KLHL1: variants seen among roughly 807,000 people sequenced by gnomAD.
KLHL1 encodes the protein kelch-like protein 1.
KLHL1 carries 47 observed loss-of-function variants against 77.7 expected under a neutral mutation model. That is an observed-to-expected ratio of 0.60 (90% CI 0.48 to 0.77). The LOEUF (loss-of-function observed/expected upper bound fraction) is 0.77. Ranked by LOEUF, KLHL1 falls within the 30% of genes least tolerant of loss-of-function variation. The pLI, the probability that KLHL1 is intolerant of heterozygous loss-of-function variation, is 0.00. For missense variants in KLHL1, 925 were observed against 910.8 expected, an observed-to-expected ratio of 1.02 and a Z score of -0.20; for synonymous variants, 360 against 325.2, an observed-to-expected ratio of 1.11 and a Z score of -1.15.
At chr13:69,716,540 A>C (rs1328693769) in intron 9 of KLHL1, among the ~76,000 whole-genome samples, 3 of 152,232 alleles carry the variant, frequency 2.0e-5, no homozygotes, top group African/African-American at 7.2e-5. Flanking sequence ...AGAATGAATT[A>C]GAAGATGCAG....
intron 1 of KLHL1, among the ~76,000 whole-genome samples, chr13:69,997,285 A>C (rs1008100302): frequency 4.0e-5 from 6 of 151,288 alleles, no homozygotes; most frequent in South Asian, 4.2e-4. Flanking sequence ...TTTCTTTTTT[A>C]TTTTTAATTA....
chr13:69,879,360 T>A (rs1174102111), intron 5 of KLHL1, among the ~76,000 whole-genome samples: 1 of 152,116 alleles, frequency 6.6e-6, no homozygotes, highest in Non-Finnish European at 1.5e-5. Context: ...CTCTTTTCTA[T>A]TTTTTTCCTA....
chr13:70,102,440 A>T (rs1324423355), intron 1 of KLHL1, among the ~76,000 whole-genome samples: 1 of 152,186 alleles, frequency 6.6e-6, no homozygotes, highest in Non-Finnish European at 1.5e-5. Flanking sequence ...ACTAAGGCTT[A>T]TCTAGAATTT....
rs114457297 is a variant in KLHL1 at position 69,921,492 on chromosome 13, C to T, written c.1014+18548G>A. On this transcript the variant is annotated intron_variant, in intron 4 of 10. Transcript: ENST00000377844. ...TATTTCTGAAGTGATTTATAGTGCTCCAGATCCATGCAATCAATCTTTCTT... is the reference window on the plus strand; with the variant it reads ...TATTTCTGAAGTGATTTATAGTGCTTCAGATCCATGCAATCAATCTTTCTT... Among the ~76,000 whole-genome samples, 830 of 152,224 alleles carry T rather than the reference C, an allele frequency of 5.5e-3. 11 individuals carry two copies. Among genetic ancestry groups the T allele is most frequent in the African/African-American group, 0.019 (769 of 41,538 alleles).
chr13:69,893,835 G>A (rs2138213561), intron 4 of KLHL1, among the ~76,000 whole-genome samples: 1 of 152,272 alleles, frequency 6.6e-6, no homozygotes, highest in East Asian at 1.9e-4. Flanking sequence ...TTACTTATGT[G>A]TTTATAGGTA....
chr13:69,852,651 A>G (rs2138134239), intron 5 of KLHL1, among the ~76,000 whole-genome samples: 1 of 152,066 alleles, frequency 6.6e-6, no homozygotes, highest in South Asian at 2.1e-4. Flanking sequence ...CTTCAGATTT[A>G]CTCTGATCAA....
In KLHL1 at chr13:70,108,046, C is replaced by G. The variant is rs1191354793; in HGVS notation, c.-347G>C. On this transcript the variant is annotated 5_prime_UTR_variant, in exon 1 of 11. Coordinates refer to ENST00000377844, the MANE Select transcript of KLHL1 (RefSeq NM_020866.3). ...TGGGACAACCCTTAGGCTGGAGATG[C>G]GCGAGGGAGGGAGGTCTGAGCGCTC... is the stretch of plus-strand genomic sequence containing the variant. 9.5e-6 allele frequency: 4 copies of G among 421,864 alleles called. No individual in the cohort carries two copies. Among genetic ancestry groups the G allele is most frequent in the African/African-American group, 2.0e-5 (1 of 48,928 alleles). 26.1% of individuals were successfully genotyped at this position (421,864 alleles called of 1,614,324 possible). A position where few individuals can be genotyped will look rare whatever the true frequency, so the allele number is the denominator to read the frequency against.
chr13:70,050,017 A>G (rs1237987009), intron 1 of KLHL1, among the ~76,000 whole-genome samples: 4 of 151,978 alleles, frequency 2.6e-5, no homozygotes, highest in African/African-American at 9.7e-5. Flanking sequence ...AATAATGTAA[A>G]ATACAGAATT....
At chr13:69,939,376 T>TATATATATATAC in intron 4 of KLHL1, among the ~76,000 whole-genome samples, 1 of 48,502 alleles carries the variant, frequency 2.1e-5, no homozygotes, top group South Asian at 5.5e-4. Flanking sequence ...TATATATATA[T>TATATATATATAC]ATACACACAC....
chr13:69,867,489 T>C (rs1880407939), intron 5 of KLHL1, among the ~76,000 whole-genome samples: 1 of 152,000 alleles, frequency 6.6e-6, no homozygotes, highest in Non-Finnish European at 1.5e-5. Flanking sequence ...AAACTAGTAA[T>C]AGAATGTCTT....
intron 7 of KLHL1, among the ~76,000 whole-genome samples, chr13:69,740,873 G>T (rs1426482542): frequency 6.6e-6 from 1 of 151,976 alleles, no homozygotes; most frequent in Non-Finnish European, 1.5e-5. Flanking sequence ...TGACCTAGAT[G>T]CTTTATAAAA....
chr13:69,897,703 C>G (rs1376427006), intron 4 of KLHL1, among the ~76,000 whole-genome samples: 5 of 152,136 alleles, frequency 3.3e-5, no homozygotes, highest in African/African-American at 1.2e-4. Context: ...CAGTTGATGA[C>G]TATTTGAGTC....
intron 1 of KLHL1, among the ~76,000 whole-genome samples, chr13:70,015,918 T>A (rs1885645630): frequency 6.6e-6 from 1 of 152,230 alleles, no homozygotes; most frequent in Admixed American, 6.5e-5. Flanking sequence ...TTTTCTTGTG[T>A]GCATTTCATC....
chr13:69,792,575 C>T (rs1876917541), intron 7 of KLHL1, among the ~76,000 whole-genome samples: 1 of 133,212 alleles, frequency 7.5e-6, no homozygotes, highest in Admixed American at 7.0e-5. Context: ...CAATTGAAAA[C>T]ATATGTTCAA....
Position 70,006,169 on chromosome 13 carries a change from A to G in KLHL1, c.498-30367T>C, listed in dbSNP as rs909891230. The stretch of plus-strand genomic sequence containing the variant: ...AATAATGTCCTGCAGGTTCATCTAT[A>G]TTGTTGCAAATGACAAGAATTTCCA... On this transcript the variant is annotated intron_variant, in intron 1 of 10. Coordinates refer to ENST00000377844, the MANE Select transcript of KLHL1 (RefSeq NM_020866.3). 2.6e-5 allele frequency among the ~76,000 whole-genome samples: 4 copies of G among 151,988 alleles called. No individual in the cohort carries two copies. In the East Asian group the frequency reaches 5.8e-4, roughly 22 times the overall value.
chr13:69,726,754 C>T (rs1430516181), intron 8 of KLHL1, among the ~76,000 whole-genome samples: 1 of 152,050 alleles, frequency 6.6e-6, no homozygotes, highest in Non-Finnish European at 1.5e-5. Flanking sequence ...AACCTTAATC[C>T]CTCCGTGTTT....
intron 1 of KLHL1, among the ~76,000 whole-genome samples, chr13:69,993,317 T>C (rs1266600989): frequency 6.6e-6 from 1 of 151,954 alleles, no homozygotes; most frequent in Non-Finnish European, 1.5e-5. Flanking sequence ...TTAGCAATCT[T>C]CACCTAATAA....
intron 1 of KLHL1, among the ~76,000 whole-genome samples, chr13:69,981,708 C>T (rs1884715189): frequency 6.6e-6 from 1 of 151,484 alleles, no homozygotes; most frequent in East Asian, 1.9e-4. Context: ...AAAATGTTCA[C>T]ATATTTTATA....
intron 1 of KLHL1, among the ~76,000 whole-genome samples, chr13:70,096,993 G>A (rs9529680): frequency 0.29 from 43,933 of 151,750 alleles, 6,887 homozygotes; most frequent in South Asian, 0.51. Flanking sequence ...CTCCAAATGC[G>A]GTGTAAAATG....
Sources: gnomAD v4.1 joint callset for allele counts (sites outside exome capture counted in the v4.1 genomes callset) on GRCh38, gnomAD v4.1.1 for gene constraint, MANE v1.5 for transcripts, NCBI Gene and HGNC (gene_info 2026-07-23, HGNC 2026-07-21) for gene names.